The following LACTB variants were observed in gnomAD, a reference collection of about 807,000 sequenced individuals.
LACTB encodes serine beta-lactamase-like protein LACTB, mitochondrial.
LACTB carries 35 observed loss-of-function variants against 50.2 expected under a neutral mutation model. The observed-to-expected ratio is 0.70, with a 90% CI of 0.53 to 0.92. The LOEUF is 0.92. Ranked by LOEUF, LACTB falls within the 40% of genes least tolerant of loss-of-function variation. The probability of loss-of-function intolerance (pLI) is 0.00; values close to 1 mark genes in which losing one functional copy is unlikely to be tolerated. For missense variants in LACTB, 664 were observed against 691.8 expected (o/e 0.96, Z 0.45); for synonymous variants, 252 against 268.2 (o/e 0.94, Z 0.59).
At chr15:63,139,967 T>C (rs1313243062) in intron 5 of LACTB, among the ~76,000 whole-genome samples, 1 of 148,554 alleles carries the variant, frequency 6.7e-6, no homozygotes, top group Non-Finnish European at 1.5e-5. Flanking sequence ...CTTAGCCAGG[T>C]ATGGTGGTAC....
At chr15:63,141,180 A>G in intron 5 of LACTB, 100 bp from the exon 6 acceptor site, 1 of 1,453,304 alleles carries the variant, frequency 6.9e-7, no homozygotes, top group Middle Eastern at 2.4e-4. Flanking sequence ...TATGATCATT[A>G]CATTGAAATA....
chr15:63,132,641 C>T (rs2037143904), intron 5 of LACTB, among the ~76,000 whole-genome samples: 2 of 151,860 alleles, frequency 1.3e-5, no homozygotes, highest in South Asian at 2.1e-4. Context: ...AATATGGTAA[C>T]ACCCCATCTC....
At chr15:63,124,472 T>C (rs1175097535) in intron 2 of LACTB, among the ~76,000 whole-genome samples, 1 of 152,212 alleles carries the variant, frequency 6.6e-6, no homozygotes, top group Non-Finnish European at 1.5e-5. Context: ...CAGTCTACTT[T>C]ATTAGGCTTT....
intron 5 of LACTB, chr15:63,129,943 T>A (rs2037108127): frequency 4.7e-6 from 1 of 214,792 alleles, no homozygotes; most frequent in East Asian, 9.9e-5. Context: ...CATTCCTTTT[T>A]TAGGTTTTAA....
At chr15:63,131,485 TG>T (rs1466056822) in intron 5 of LACTB, 1 of 152,244 alleles carries the variant, frequency 6.6e-6, no homozygotes. Context: ...GTGTATTTTT[TG>T]TTTTGTTTTG....
At position 63,125,439 on chromosome 15, in the gene LACTB, A is replaced by G. The variant is rs553965456; in HGVS notation, c.425-1420A>G. Reference sequence around the variant, plus strand: ...TGCCTCGGCATCCCAAAGTGCTGGGATTACAGGCGTGAGCCACCGTGCCCA... The same window carrying G: ...TGCCTCGGCATCCCAAAGTGCTGGGGTTACAGGCGTGAGCCACCGTGCCCA... On this transcript the variant is annotated intron_variant, in intron 2 of 5. Coordinates refer to ENST00000261893, the MANE Select transcript of LACTB (RefSeq NM_032857.5). 2.3e-3 allele frequency among the ~76,000 whole-genome samples: 350 copies of G among 152,242 alleles called. 2 individuals are homozygous for G. Among genetic ancestry groups the G allele is most frequent in the African/African-American group, 8.2e-3 (340 of 41,562 alleles).
intron 5 of LACTB, among the ~76,000 whole-genome samples, chr15:63,133,170 A>AT (rs1160181277): frequency 6.6e-6 from 1 of 152,206 alleles, no homozygotes; most frequent in African/African-American, 2.4e-5. Context: ...AAATGCTATG[A>AT]TTTTATATAA....
At chr15:63,140,976 A>G (rs780405861) in intron 5 of LACTB, 218 of 979,400 alleles carry the variant, frequency 2.2e-4, no homozygotes, top group Non-Finnish European at 2.6e-4. Context: ...TGTCATGTGT[A>G]ATATTAACCA....
rs745682316 is a variant in LACTB, at chr15:63,129,520, C to T, written c.988C>T (p.Leu330=). ...TTTGTATTCAACTTTTGGCTATACC[C>T]TACTGGCAGCCATAGTAGAGAGAGC... The part of the protein sequence containing the change: ...QFLYSTFGYT[L]LAAIVERASG... Residue 330 remains leucine (L), a synonymous_variant, in exon 5 of 6, where the codon CTA becomes TTA. Coordinates refer to ENST00000261893, the MANE Select transcript of LACTB (RefSeq NM_032857.5). 5 of 1,608,606 alleles carry T rather than the reference C, an allele frequency of 3.1e-6. No individual in the cohort carries two copies. Among genetic ancestry groups the T allele is most frequent in the Non-Finnish European group, 4.2e-6 (5 of 1,177,514 alleles).
In LACTB at chr15:63,126,061, A is replaced by G. The variant is rs1335371771; in HGVS notation, c.425-798A>G. Reference sequence around the variant, plus strand: ...AACCAAATTTAAAATTTTTTCTAGAAAAAGCTTTAAGTTAGTACATAATTT... The same window carrying G: ...AACCAAATTTAAAATTTTTTCTAGAGAAAGCTTTAAGTTAGTACATAATTT... On this transcript the variant is annotated intron_variant, in intron 2 of 5. Coordinates refer to ENST00000261893, the MANE Select transcript of LACTB (RefSeq NM_032857.5). 11 of 152,048 alleles carry G rather than the reference A, an allele frequency of 7.2e-5. No homozygotes were observed. In the East Asian group the frequency reaches 2.1e-3, roughly 29 times the overall value. The allele number at this position is 152,048 out of a possible 1,614,324, so 9.4% of individuals were successfully genotyped here.
chr15:63,123,870 G>T (rs975657675), intron 2 of LACTB, among the ~76,000 whole-genome samples: 1 of 151,248 alleles, frequency 6.6e-6, no homozygotes, highest in Non-Finnish European at 1.5e-5. Flanking sequence ...GACTAGGAGC[G>T]TGACCACTGA....
rs34317102 is a variant in LACTB at position 63,121,884 on chromosome 15, A to C, written c.13A>C (p.Met5Leu). MYRLMSAVTARAAAP... is the reference protein window; with the variant it reads MYRLLSAVTARAAAP... ...GTGCAGAGACGCCATGTACCGGCTC[A>C]TGTCAGCAGTGACTGCCCGGGCTGC... The change falls in exon 1 of 6, where the codon ATG becomes CTG. Residue 5 changes from methionine to leucine, a missense_variant. By Grantham distance (15) the Met-to-Leu change is conservative. Transcript: ENST00000261893. 0.77 allele frequency: 1,082,462 copies of C among 1,398,170 alleles called. 420,909 individuals are homozygous for C. Among genetic ancestry groups the C allele is most frequent in the East Asian group, 1 (34,841 of 34,952 alleles). The allele number at this position is 1,398,170 out of a possible 1,614,324, so 86.6% of individuals were successfully genotyped here.
chr15:63,127,400 T>A lies in LACTB; in HGVS notation c.663T>A (p.Arg221=), dbSNP rs1237467744. Residue 221 remains arginine (R), a synonymous_variant, in exon 4 of 6, where the codon CGT becomes CGA. Coordinates refer to ENST00000261893, the MANE Select transcript of LACTB (RefSeq NM_032857.5). The stretch of plus-strand genomic sequence containing the variant: ...TGATTTCCCATTTAAGTGGAATTCG[T>A]CATTATGAAAAGGACATAAAAAAGG... ...RLLISHLSGI[R]HYEKDIKKVK... The A allele has an allele frequency of 4.4e-6, 7 of 1,585,664 alleles. No individual in the cohort carries two copies. The African/African-American group carries it at 9.6e-5, about 22-fold the overall frequency.
intron 1 of LACTB, 62 bp from the exon 2 acceptor site, chr15:63,122,574 A>G: frequency 7.5e-7 from 1 of 1,329,810 alleles, no homozygotes. Flanking sequence ...AAGGTCCCCG[A>G]GGAGAGCGCT....
chr15:63,121,945 G>A lies in LACTB; in HGVS notation c.74G>A (p.Arg25His). The change falls in exon 1 of 6, where the codon CGC (arginine) becomes CAC (histidine). Residue 25 changes from arginine to histidine, a missense_variant. Transcript: ENST00000261893. ...PGGLASSCGR[R>H]GVHQRAGLPP... is the part of the protein sequence containing the mutation. ...GGCTTGGCCTCAAGCTGCGGACGAC[G>A]CGGGGTCCATCAGCGCGCCGGGCTG... The A allele has an allele frequency of 7.1e-7, 1 of 1,411,802 alleles. No homozygotes were observed. Among genetic ancestry groups the A allele is most frequent in the Non-Finnish European group, 9.2e-7 (1 of 1,090,438 alleles). The allele number at this position is 1,411,802 out of a possible 1,614,324, so 87.5% of individuals were successfully genotyped here. A position where few individuals can be genotyped will look rare whatever the true frequency, so the allele number is the denominator to read the frequency against.
At position 63,138,402 on chromosome 15, in the gene LACTB, A is replaced by G. The variant is rs545034713; in HGVS notation, c.1119-2878A>G. On this transcript the variant is annotated intron_variant, in intron 5 of 5. Transcript: ENST00000261893. ...CAGAATCTGGAGATTCTTATAAATA[A>G]GTATGAAGAAGCTGTTTGTCATCTG... is the stretch of plus-strand genomic sequence containing the variant. 1.7e-4 allele frequency among the ~76,000 whole-genome samples: 26 copies of G among 152,342 alleles called. No homozygotes were observed. In the South Asian group the frequency reaches 3.7e-3, roughly 22 times the overall value.
intron 4 of LACTB, 177 bp from the exon 5 acceptor site, chr15:63,129,308 G>A: frequency 2.1e-6 from 1 of 476,226 alleles, no homozygotes; most frequent in Non-Finnish European, 3.6e-6. Context: ...CTTGGAATAA[G>A]GACAGTTGCA....
rs1392678731 is a variant in LACTB at position 63,124,939 on chromosome 15, G to A, written c.425-1920G>A. ...ACTGCACTCCAGCCTGGGCAACAGC[G>A]AGACTCTGTCTCAAAAAAAAAGAAA... On this transcript the variant is annotated intron_variant, in intron 2 of 5. Transcript: ENST00000261893. Among the ~76,000 whole-genome samples the A allele has an allele frequency of 6.2e-5, 9 of 145,636 alleles. No individual in the cohort carries two copies. In the South Asian group the frequency reaches 9.2e-4, roughly 15 times the overall value.
chr15:63,139,170 G>GCA (rs1442098553), intron 5 of LACTB, among the ~76,000 whole-genome samples: 7 of 128,336 alleles, frequency 5.5e-5, no homozygotes, highest in Non-Finnish European at 3.2e-5. Flanking sequence ...CCAACATGAT[G>GCA]AAGCCCCGTC....
Sources: gnomAD v4.1 joint callset for allele counts (sites outside exome capture counted in the v4.1 genomes callset) on GRCh38, gnomAD v4.1.1 for gene constraint, MANE v1.5 for transcripts, NCBI Gene and HGNC (gene_info 2026-07-23, HGNC 2026-07-21) for gene names.